The following OPCML variants were observed in gnomAD, a reference collection of about 807,000 sequenced individuals.
OPCML encodes the protein opioid-binding protein/cell adhesion molecule.
A neutral mutation model predicts 37.8 loss-of-function variants in OPCML; 13 were observed. The observed-to-expected ratio is 0.34, with a 90% CI of 0.22 to 0.55. OPCML has a LOEUF of 0.55. Among genes scored for constraint, OPCML ranks in the 20% least tolerant of loss-of-function variants. OPCML has a pLI of 0.91. For synonymous variants in OPCML, 176 were observed against 168.8 expected (o/e 1.04, Z -0.33); for missense variants, 341 against 435.6 (o/e 0.78, Z 1.93).
rs552670937 is a variant in OPCML at position 132,631,546 on chromosome 11, G to A, written c.379+25541C>T. 6.0e-5 allele frequency among the ~76,000 whole-genome samples: 9 copies of A among 150,760 alleles called. No homozygotes were observed. The South Asian group carries it at 1.7e-3, about 28-fold the overall frequency. On this transcript the variant is annotated intron_variant, in intron 3 of 7. Transcript: ENST00000524381. ...AAGATCTCGGCTCACTGCAAGCTCC[G>A]CCTCCCGGGTTCACGCCATTCGCCT...
intron 2 of OPCML, among the ~76,000 whole-genome samples, chr11:132,890,773 C>T (rs1434736166): frequency 4.8e-5 from 7 of 147,126 alleles, no homozygotes; most frequent in East Asian, 2.1e-4. Flanking sequence ...AGAAGAATGG[C>T]GTGACCCCGG....
intron 1 of OPCML, chr11:133,065,605 G>C (rs1260575106): frequency 6.6e-6 from 1 of 152,350 alleles, no homozygotes; most frequent in East Asian, 1.9e-4. Flanking sequence ...GTGCTCTCTG[G>C]TTTGCCACAG....
chr11:133,204,884 A>ATATGTGTATATATATATATATGTG (rs374646818), intron 1 of OPCML, among the ~76,000 whole-genome samples: 64 of 36,268 alleles, frequency 1.8e-3, no homozygotes, highest in Non-Finnish European at 3.7e-3. Context: ...ATATATATAT[A>ATATGTGTATATATATATATATGTG]TATATATATA....
At chr11:132,560,595 G>C (rs542279455) in intron 3 of OPCML, among the ~76,000 whole-genome samples, 1 of 152,310 alleles carries the variant, frequency 6.6e-6, no homozygotes, top group African/African-American at 2.4e-5. Context: ...TTATGAGTGA[G>C]AACAAAGGAT....
rs577953431 is a variant in OPCML, at chr11:133,302,334, C to G, written c.61+229930G>C. The G allele has an allele frequency of 4.6e-5, 7 of 152,716 alleles. No individual in the cohort carries two copies. The East Asian group carries it at 1.3e-3, about 29-fold the overall frequency. The allele number at this position is 152,716 out of a possible 1,614,324, so 9.5% of individuals were successfully genotyped here. On this transcript the variant is annotated intron_variant, in intron 1 of 7. Transcript: ENST00000524381. ...AAGCATCTGTCATTTCCCCTGCCGG[C>G]TCTCATTCTCTCTCCTGCCACCCTG...
At chr11:133,358,923 T>C (rs989360842) in intron 1 of OPCML, among the ~76,000 whole-genome samples, 13 of 151,460 alleles carry the variant, frequency 8.6e-5, no homozygotes, top group Non-Finnish European at 1.2e-4. Context: ...GAGACCAGCG[T>C]GGCTGGGCTG....
intron 1 of OPCML, among the ~76,000 whole-genome samples, chr11:133,505,690 C>T (rs1948015209): frequency 6.6e-6 from 1 of 152,182 alleles, no homozygotes; most frequent in Non-Finnish European, 1.5e-5. Context: ...CATAAATAAG[C>T]AATGAGGTGA....
chr11:133,124,501 A>C (rs1379151694), intron 1 of OPCML, among the ~76,000 whole-genome samples: 4 of 152,144 alleles, frequency 2.6e-5, no homozygotes, highest in African/African-American at 9.7e-5. Flanking sequence ...AGTGGCACAC[A>C]CTTCACAAGG....
chr11:132,913,414 CA>C (rs1176655697), intron 2 of OPCML, among the ~76,000 whole-genome samples: 1 of 152,160 alleles, frequency 6.6e-6, no homozygotes, highest in East Asian at 1.9e-4. Context: ...AATTTGCTTA[CA>C]AATATCACTT....
At chr11:133,250,858 AC>A (rs1463930593) in intron 1 of OPCML, among the ~76,000 whole-genome samples, 1 of 151,980 alleles carries the variant, frequency 6.6e-6, no homozygotes, top group Non-Finnish European at 1.5e-5. Context: ...TTAGCAATGG[AC>A]CTCTAGAATT....
At chr11:132,486,961 T>C (rs561773857) in intron 4 of OPCML, among the ~76,000 whole-genome samples, 1 of 152,352 alleles carries the variant, frequency 6.6e-6, no homozygotes, top group Admixed American at 6.5e-5. Context: ...TCATTGCATA[T>C]TATTGGTACT....
chr11:133,379,782 G>A (rs572297127), intron 1 of OPCML, among the ~76,000 whole-genome samples: 1 of 152,316 alleles, frequency 6.6e-6, no homozygotes, highest in Non-Finnish European at 1.5e-5. Context: ...ATTGTTGGAA[G>A]ATCCACAGTG....
chr11:132,419,425 A>C lies in OPCML; in HGVS notation c.*768T>G, dbSNP rs1565545638. 1.3e-5 allele frequency: 2 copies of C among 152,222 alleles called. No individual in the cohort carries two copies. Among genetic ancestry groups the C allele is most frequent in the Admixed American group, 6.5e-5 (1 of 15,286 alleles). The allele number at this position is 152,222 out of a possible 1,614,324, so 9.4% of individuals were successfully genotyped here. ...AACCTAAATAAATCAGCCACCTATC[A>C]ATCACGTTTATGAGTTGAACTTCTC... is the stretch of plus-strand genomic sequence containing the variant. On this transcript the variant is annotated 3_prime_UTR_variant, in exon 8 of 8. Transcript: ENST00000524381.
At chr11:132,871,962 C>T (rs1024616035) in intron 2 of OPCML, among the ~76,000 whole-genome samples, 19 of 152,178 alleles carry the variant, frequency 1.2e-4, no homozygotes, top group Non-Finnish European at 2.8e-4. Flanking sequence ...TGAATTCAGT[C>T]TTATTCATAC....
intron 1 of OPCML, among the ~76,000 whole-genome samples, chr11:132,983,011 T>C (rs1024094193): frequency 3.9e-5 from 6 of 152,202 alleles, no homozygotes; most frequent in Non-Finnish European, 8.8e-5. Context: ...AGGCTACTGA[T>C]TGGAACACTC....
chr11:132,489,662 C>T (rs1284865758), intron 4 of OPCML, among the ~76,000 whole-genome samples: 2 of 151,416 alleles, frequency 1.3e-5, no homozygotes, highest in African/African-American at 4.9e-5. Context: ...GTCTGTGGCC[C>T]ATTATTATTA....
chr11:133,104,278 G>A lies in OPCML; in HGVS notation c.62-161268C>T, dbSNP rs149750460. Among the ~76,000 whole-genome samples the A allele has an allele frequency of 5.3e-5, 8 of 152,250 alleles. No homozygotes were observed. The East Asian group carries it at 5.8e-4, about 11-fold the overall frequency. ...AGGCAGCAGGAGCTGTCCAGAGTAC[G>A]GAAGAGTCATCATAAATTCCTCCCC... On this transcript the variant is annotated intron_variant, in intron 1 of 7. Transcript: ENST00000524381.
intron 1 of OPCML, among the ~76,000 whole-genome samples, chr11:133,033,754 A>T (rs537493031): frequency 6.6e-6 from 1 of 152,218 alleles, no homozygotes; most frequent in Admixed American, 6.5e-5. Flanking sequence ...AAAAATATGC[A>T]GCTAGTGGTT....
chr11:133,532,136 C>T, intron 1 of OPCML, 128 bp downstream of exon 1: 9 of 1,448,002 alleles, frequency 6.2e-6, no homozygotes, highest in Non-Finnish European at 8.4e-6. Context: ...ACCTCTTTCA[C>T]TCACATGCAT....
Sources: gnomAD v4.1 joint callset for allele counts (sites outside exome capture counted in the v4.1 genomes callset) on GRCh38, gnomAD v4.1.1 for gene constraint, MANE v1.5 for transcripts, NCBI Gene and HGNC (gene_info 2026-07-23, HGNC 2026-07-21) for gene names.